GNG7: variants seen among roughly 807,000 people sequenced by gnomAD.
GNG7 encodes the protein G protein subunit gamma 7, also known as guanine nucleotide-binding protein G(I)/G(S)/G(O) subunit gamma-7.
Under a neutral mutation model 4.0 loss-of-function variants are expected in GNG7, and 1 was observed. The observed-to-expected ratio is 0.25, with a 90% confidence interval of 0.09 to 1.18. The LOEUF (loss-of-function observed/expected upper bound fraction) is 1.18. Ranked by LOEUF, GNG7 falls within the 50% of genes most tolerant of loss-of-function variation. The pLI, the probability that GNG7 is intolerant of heterozygous loss-of-function variation, is 0.50. For synonymous variants in GNG7, 34 were observed against 36.9 expected (o/e 0.92, Z 0.29); for missense variants, 86 against 91.9 (o/e 0.94, Z 0.26).
At chr19:2,644,655 C>A (rs1191884982) in intron 2 of GNG7, among the ~76,000 whole-genome samples, 1 of 152,066 alleles carries the variant, frequency 6.6e-6, no homozygotes, top group Non-Finnish European at 1.5e-5. Context: ...TCGGCACCCA[C>A]GCATCCCCTC....
chr19:2,587,070 C>G (rs1034237583), intron 2 of GNG7, among the ~76,000 whole-genome samples: 7 of 151,690 alleles, frequency 4.6e-5, no homozygotes, highest in African/African-American at 1.5e-4. Context: ...CCACGCAACA[C>G]CACATCCGGC....
At chr19:2,539,785 T>C (rs1445014920) in intron 3 of GNG7, among the ~76,000 whole-genome samples, 2 of 152,044 alleles carry the variant, frequency 1.3e-5, no homozygotes, top group Non-Finnish European at 1.5e-5. Flanking sequence ...GCTCATCCAG[T>C]GGCCTAAAGT....
chr19:2,612,761 T>C (rs1160863295), intron 2 of GNG7, among the ~76,000 whole-genome samples: 1 of 146,998 alleles, frequency 6.8e-6, no homozygotes, highest in East Asian at 2.0e-4. Context: ...CGGTGCGATC[T>C]CGGCTCGCTG....
In GNG7 at chr19:2,633,508, C is replaced by G. The variant is rs1284701345; in HGVS notation, c.-78+12716G>C. On this transcript the variant is annotated intron_variant, in intron 2 of 4. Coordinates refer to ENST00000382159, the MANE Select transcript of GNG7 (RefSeq NM_052847.3). This position sits in a 1 kb window ranked among gnomAD's most constrained non-coding sequence, Gnocchi z 5.9. ...GCGCGCACACACACACACACACACA[C>G]ACACACACACACACACGAGAGGTGG... Among the ~76,000 whole-genome samples, 3 of 151,728 alleles carry G rather than the reference C, an allele frequency of 2.0e-5. No homozygotes were observed. The highest frequency in any genetic ancestry group is 2.9e-5 in the Non-Finnish European group (2 of 67,894).
intron 3 of GNG7, among the ~76,000 whole-genome samples, chr19:2,544,103 G>A (rs1211015160): frequency 3.3e-5 from 5 of 152,148 alleles, no homozygotes; most frequent in Admixed American, 1.3e-4. Flanking sequence ...GAGTGGAAAC[G>A]TCAGCCCTTC....
At chr19:2,594,256 C>T (rs1017914964) in intron 2 of GNG7, among the ~76,000 whole-genome samples, 37 of 152,060 alleles carry the variant, frequency 2.4e-4, no homozygotes, top group African/African-American at 8.7e-4. Flanking sequence ...ACCTGTAGTC[C>T]CAGCTACTTG....
Position 2,626,782 on chromosome 19 carries a change from CCTGA to C in GNG7, c.-78+19438_-78+19441del, listed in dbSNP as rs1251001525. Among the ~76,000 whole-genome samples the C allele has an allele frequency of 1.3e-5, 2 of 152,086 alleles. No homozygotes were observed. The highest frequency in any genetic ancestry group is 6.5e-5 in the Admixed American group (1 of 15,274). On this transcript the variant is annotated intron_variant, in intron 2 of 4. Transcript: ENST00000382159. This position sits in a 1 kb window ranked among gnomAD's most constrained non-coding sequence, Gnocchi z 5.0. ...CATGACGGAGGGAAGTGGGACCTTCCCTGACTAATATTCCCTCACATCGGTCCAT... is the reference window on the plus strand; with the variant it reads ...CATGACGGAGGGAAGTGGGACCTTCCCTAATATTCCCTCACATCGGTCCAT...
intron 1 of GNG7, among the ~76,000 whole-genome samples, chr19:2,685,161 A>G (rs1599461688): frequency 6.6e-6 from 1 of 150,606 alleles, no homozygotes; most frequent in African/African-American, 2.4e-5. Context: ...ATAAAGTAGG[A>G]TGGGAGTGCC....
chr19:2,635,201 AGGTGCAGGTG>A (rs199760126), intron 2 of GNG7, among the ~76,000 whole-genome samples: 2,165 of 152,268 alleles, frequency 0.014, 55 homozygotes, highest in African/African-American at 0.049. Flanking sequence ...GTGAGGACAG[AGGTGCAGGTG>A]GGTGCAGGTG....
chr19:2,689,429 C>T (rs1042928951), intron 1 of GNG7, among the ~76,000 whole-genome samples: 3 of 151,584 alleles, frequency 2.0e-5, no homozygotes, highest in African/African-American at 7.3e-5. Flanking sequence ...TCGAGACCAG[C>T]CTGGCCATCA....
chr19:2,565,286 T>G (rs1599393910), intron 2 of GNG7, among the ~76,000 whole-genome samples: 1 of 151,210 alleles, frequency 6.6e-6, no homozygotes, highest in Non-Finnish European at 1.5e-5. Context: ...CCGAGGCGGG[T>G]GGATCATGAG....
At chr19:2,649,348 TGA>T (rs1982748505) in intron 1 of GNG7, among the ~76,000 whole-genome samples, 1 of 144,148 alleles carries the variant, frequency 6.9e-6, no homozygotes, top group African/African-American at 2.5e-5. Flanking sequence ...ACCAGCAAAC[TGA>T]GAGAGGCGGA....
chr19:2,665,009 T>C (rs952413445), intron 1 of GNG7, among the ~76,000 whole-genome samples: 3 of 151,978 alleles, frequency 2.0e-5, no homozygotes, highest in Admixed American at 6.6e-5. Flanking sequence ...CCTGATCTTC[T>C]GTCCTGCTGA....
chr19:2,568,654 C>G (rs1980035132), intron 2 of GNG7, among the ~76,000 whole-genome samples: 1 of 122,982 alleles, frequency 8.1e-6, no homozygotes, highest in African/African-American at 2.9e-5. Flanking sequence ...CACAAATACA[C>G]ATATACACAT....
chr19:2,675,249 C>G (rs1286841490), intron 1 of GNG7, among the ~76,000 whole-genome samples: 1 of 152,200 alleles, frequency 6.6e-6, no homozygotes, highest in Non-Finnish European at 1.5e-5. Context: ...TAACAGGTCT[C>G]TCTCTGCAAC....
chr19:2,654,155 C>T (rs1022047606), intron 1 of GNG7, among the ~76,000 whole-genome samples: 2 of 151,356 alleles, frequency 1.3e-5, no homozygotes, highest in African/African-American at 4.9e-5. Context: ...CAGGTGGGGG[C>T]GGGGCCGGCT....
chr19:2,648,142 A>G (rs1982717498), intron 1 of GNG7, among the ~76,000 whole-genome samples: 2 of 151,998 alleles, frequency 1.3e-5, no homozygotes, highest in African/African-American at 4.8e-5. Context: ...AATTTAGCTT[A>G]TAGAAATGTA....
At position 2,570,100 on chromosome 19, in the gene GNG7, T is replaced by C. The variant is rs115204791; in HGVS notation, c.-77-14912A>G. ...TGCTCTCCCCTCGGGAATGAGCGAG[T>C]TCCCACTCTGTTAGTTCACGGACGA... On this transcript the variant is annotated intron_variant, in intron 2 of 4. Coordinates refer to ENST00000382159, the MANE Select transcript of GNG7 (RefSeq NM_052847.3). Among the ~76,000 whole-genome samples the C allele has an allele frequency of 3.0e-3, 451 of 151,424 alleles. 2 individuals are homozygous for C. The highest frequency in any genetic ancestry group is 0.01 in the African/African-American group (429 of 41,192).
intron 2 of GNG7, among the ~76,000 whole-genome samples, chr19:2,571,280 G>A (rs1312111681): frequency 6.6e-6 from 1 of 152,184 alleles, no homozygotes; most frequent in East Asian, 1.9e-4. Flanking sequence ...GGAAGAAAAT[G>A]TGGCGGCATT....
Sources: gnomAD v4.1 joint callset for allele counts (sites outside exome capture counted in the v4.1 genomes callset) on GRCh38, gnomAD v4.1.1 for gene constraint, Gnocchi (gnomAD v3.1) non-coding constraint, MANE v1.5 for transcripts, NCBI Gene and HGNC (gene_info 2026-07-23, HGNC 2026-07-21) for gene names.